The following CAMKMT variants were observed in gnomAD, a reference collection of about 807,000 sequenced individuals.
CAMKMT encodes CaM KMT.
In CAMKMT, 53 loss-of-function variants were observed where a neutral mutation model predicts 48.0. The ratio of observed to expected loss-of-function variants is 1.10; its 90% confidence interval spans 0.89 to 1.39. The LOEUF is 1.39. Ranked by LOEUF, CAMKMT falls within the 40% of genes most tolerant of loss-of-function variation. CAMKMT has a pLI of 0.00. For missense variants in CAMKMT, 428 were observed against 402.7 expected (o/e 1.06, Z -0.54); for synonymous variants, 165 against 152.3 (o/e 1.08, Z -0.61).
At chr2:44,504,184 A>G (rs1331407839) in intron 3 of CAMKMT, among the ~76,000 whole-genome samples, 1 of 152,074 alleles carries the variant, frequency 6.6e-6, no homozygotes, top group Non-Finnish European at 1.5e-5. Flanking sequence ...AGGGACACAA[A>G]CATTCAGACC....
intron 2 of CAMKMT, among the ~76,000 whole-genome samples, chr2:44,378,680 G>C (rs1438262731): frequency 2.0e-5 from 3 of 152,148 alleles, no homozygotes; most frequent in African/African-American, 7.2e-5. Context: ...TTTTAGTAGA[G>C]ACGGGGTTTC....
At chr2:44,505,051 A>C (rs1670191140) in intron 3 of CAMKMT, among the ~76,000 whole-genome samples, 1 of 152,082 alleles carries the variant, frequency 6.6e-6, no homozygotes, top group Non-Finnish European at 1.5e-5. Flanking sequence ...CTCTCACTGA[A>C]TCTAATAGAC....
intron 9 of CAMKMT, among the ~76,000 whole-genome samples, chr2:44,754,670 A>C (rs1461034024): frequency 6.6e-6 from 1 of 152,348 alleles, no homozygotes; most frequent in Non-Finnish European, 1.5e-5. Flanking sequence ...CAAGCATGGC[A>C]TAAAATATTG....
chr2:44,424,241 C>T (rs1006501709), intron 3 of CAMKMT, among the ~76,000 whole-genome samples: 2 of 151,706 alleles, frequency 1.3e-5, no homozygotes, highest in African/African-American at 2.4e-5. Flanking sequence ...GTAGTGGGAG[C>T]GGTCGCAGAC....
At chr2:44,563,981 G>T (rs969867384) in intron 3 of CAMKMT, among the ~76,000 whole-genome samples, 1 of 152,052 alleles carries the variant, frequency 6.6e-6, no homozygotes, top group Non-Finnish European at 1.5e-5. Context: ...AATCCTTTGG[G>T]TATATACCCA....
intron 3 of CAMKMT, among the ~76,000 whole-genome samples, chr2:44,563,201 T>A (rs1012919269): frequency 6.6e-6 from 1 of 151,792 alleles, no homozygotes; most frequent in Non-Finnish European, 1.5e-5. Context: ...TCTACTCTTA[T>A]CTCTTCGGGA....
At chr2:44,678,990 G>T (rs568207083) in intron 3 of CAMKMT, among the ~76,000 whole-genome samples, 26 of 152,246 alleles carry the variant, frequency 1.7e-4, no homozygotes, top group Middle Eastern at 3.4e-3. Context: ...ATAGCAGACT[G>T]GTTGTTAAGT....
intron 3 of CAMKMT, among the ~76,000 whole-genome samples, chr2:44,523,935 G>A (rs952374994): frequency 6.6e-6 from 1 of 151,396 alleles, no homozygotes; most frequent in Non-Finnish European, 1.5e-5. Context: ...GCACCACCAT[G>A]CCCAGCTAAT....
chr2:44,645,649 C>T (rs548193731), intron 3 of CAMKMT, among the ~76,000 whole-genome samples: 5 of 152,120 alleles, frequency 3.3e-5, no homozygotes, highest in South Asian at 2.1e-4. Context: ...GGTGAAACCC[C>T]GTCTCTACTA....
intron 3 of CAMKMT, among the ~76,000 whole-genome samples, chr2:44,696,983 A>C (rs1172057001): frequency 6.6e-6 from 1 of 152,160 alleles, no homozygotes; most frequent in East Asian, 1.9e-4. Flanking sequence ...ATTTCCAAGA[A>C]AGTAGAAAAC....
chr2:44,366,139 C>G (rs1416964908), intron 1 of CAMKMT, among the ~76,000 whole-genome samples: 1 of 152,208 alleles, frequency 6.6e-6, no homozygotes, highest in African/African-American at 2.4e-5. Flanking sequence ...GTAACGTTAA[C>G]TCCCTTTCAG....
At chr2:44,519,907 A>G (rs910364097) in intron 3 of CAMKMT, among the ~76,000 whole-genome samples, 6 of 152,110 alleles carry the variant, frequency 3.9e-5, no homozygotes, top group Non-Finnish European at 8.8e-5. Flanking sequence ...ATTTCCAGAT[A>G]GTTTTTAAAT....
chr2:44,689,257 C>A (rs1043885947), intron 3 of CAMKMT, among the ~76,000 whole-genome samples: 1 of 126,356 alleles, frequency 7.9e-6, no homozygotes, highest in Non-Finnish European at 1.7e-5. Flanking sequence ...CATGACCCAG[C>A]ACTATTTTTT....
intron 3 of CAMKMT, among the ~76,000 whole-genome samples, chr2:44,414,420 C>T (rs139955824): frequency 3.9e-5 from 6 of 152,146 alleles, no homozygotes; most frequent in Admixed American, 2.0e-4. Context: ...AAAATCTTTC[C>T]GGGGTCACTC....
chr2:44,726,757 C>T (rs957022420), intron 7 of CAMKMT, among the ~76,000 whole-genome samples: 3 of 152,180 alleles, frequency 2.0e-5, no homozygotes, highest in Non-Finnish European at 2.9e-5. Context: ...TGAGGTCTTA[C>T]ATTTAAAACC....
At chr2:44,384,862 C>T (rs1209327376) in intron 2 of CAMKMT, among the ~76,000 whole-genome samples, 1 of 152,038 alleles carries the variant, frequency 6.6e-6, no homozygotes, top group East Asian at 1.9e-4. Flanking sequence ...ATATCAGTAC[C>T]ACGCTGTTTT....
At chr2:44,626,427 A>G (rs916045814) in intron 3 of CAMKMT, among the ~76,000 whole-genome samples, 2 of 152,144 alleles carry the variant, frequency 1.3e-5, no homozygotes, top group Admixed American at 1.3e-4. Context: ...TAGCTTTTTA[A>G]AGGATTTTAT....
intron 3 of CAMKMT, among the ~76,000 whole-genome samples, chr2:44,537,715 C>T (rs1290862121): frequency 6.6e-6 from 1 of 152,154 alleles, no homozygotes; most frequent in African/African-American, 2.4e-5. Flanking sequence ...GGGCATGTGC[C>T]AACACGGTCA....
At chr2:44,636,856 C>G (rs2103987615) in intron 3 of CAMKMT, among the ~76,000 whole-genome samples, 1 of 152,246 alleles carries the variant, frequency 6.6e-6, no homozygotes, top group South Asian at 2.1e-4. Flanking sequence ...TGTTCCCTGT[C>G]TAAATACTGT....
Sources: allele counts gnomAD v4.1 joint callset (sites outside exome capture counted in the v4.1 genomes callset), GRCh38; gene constraint gnomAD v4.1.1; transcripts MANE v1.5; gene names NCBI Gene and HGNC (gene_info 2026-07-23, HGNC 2026-07-21).